KCNQ1: variants seen among roughly 807,000 people sequenced by gnomAD.
KCNQ1 encodes the protein potassium voltage-gated channel subfamily KQT member 1.
Under a neutral mutation model 72.4 loss-of-function variants are expected in KCNQ1, and 49 were observed. That is an observed-to-expected ratio of 0.68 (90% CI 0.54 to 0.86). The LOEUF is 0.86. Among genes scored for constraint, KCNQ1 ranks in the 40% least tolerant of loss-of-function variants. KCNQ1 has a pLI of 0.00. For synonymous variants in KCNQ1, 450 were observed against 412.6 expected, an observed-to-expected ratio of 1.09 and a Z score of -1.10; for missense variants, 790 against 945.1, an observed-to-expected ratio of 0.84 and a Z score of 2.15.
At position 2,631,830 on chromosome 11, in the gene KCNQ1, G is replaced by C. The variant is rs568560803; in HGVS notation, c.1394-30131G>C. 87 of 398,552 alleles carry C rather than the reference G, an allele frequency of 2.2e-4. No homozygotes were observed. Among genetic ancestry groups the C allele is most frequent in the Middle Eastern group, 6.3e-4 (1 of 1,588 alleles). The allele number at this position is 398,552 out of a possible 1,614,324, so 24.7% of individuals were successfully genotyped here. A position where few individuals can be genotyped will look rare whatever the true frequency, so the allele number is the denominator to read the frequency against. On this transcript the variant is annotated intron_variant, in intron 10 of 15. Transcript: ENST00000155840. The stretch of plus-strand genomic sequence containing the variant: ...CAAGGCTGAGTGTCCTGATGCTGTC[G>C]TGTAAATAGAGTTGTGTTAATAATA...
intron 6 of KCNQ1, among the ~76,000 whole-genome samples, chr11:2,583,134 C>CTG (rs1848528622): frequency 6.6e-6 from 1 of 152,082 alleles, no homozygotes; most frequent in Admixed American, 6.5e-5. Flanking sequence ...GATGAGGCAG[C>CTG]CGGTGTGGGG....
rs537834843 is a variant in KCNQ1 at position 2,781,621 on chromosome 11, C to T, written c.1794+3584C>T. On this transcript the variant is annotated intron_variant, in intron 15 of 15. Coordinates refer to ENST00000155840, the MANE Select transcript of KCNQ1 (RefSeq NM_000218.3). The surrounding 1 kb of genome is among the most constrained non-coding windows in gnomAD (Gnocchi z 6.6). ...ATTCTGAGGAATCGATGGCAGAGGC[C>T]GCTCCAGCCCTCCTCCCCCAGCAAG... Among the ~76,000 whole-genome samples the T allele has an allele frequency of 2.3e-3, 356 of 152,314 alleles. 1 individual carries two copies. Among genetic ancestry groups the T allele is most frequent in the African/African-American group, 7.5e-3 (310 of 41,572 alleles).
intron 11 of KCNQ1, chr11:2,689,797 C>T: frequency 2.5e-6 from 1 of 398,726 alleles, no homozygotes; most frequent in Non-Finnish European, 4.4e-6. Context: ...AGGGGAAGCA[C>T]TGCGTTCTCA....
chr11:2,786,949 G>GTTTTTTTTTTTTTTTTTTTTT (rs5789272), intron 15 of KCNQ1, among the ~76,000 whole-genome samples: 9 of 120,316 alleles, frequency 7.5e-5, no homozygotes, highest in Non-Finnish European at 1.2e-4. Context: ...TTTCGTTTCT[G>GTTTTTTTTTTTTTTTTTTTTT]TTTTTTTTTT....
chr11:2,680,289 T>G (rs1230416145), intron 11 of KCNQ1: 4 of 395,434 alleles, frequency 1.0e-5, no homozygotes, highest in Admixed American at 9.0e-5. Context: ...TTCATTCAAT[T>G]TAGATTAACT....
chr11:2,525,878 G>A (rs1003723399), intron 1 of KCNQ1, among the ~76,000 whole-genome samples: 1 of 152,218 alleles, frequency 6.6e-6, no homozygotes, highest in African/African-American at 2.4e-5. Flanking sequence ...TGCGTCCCGG[G>A]CATGGACTGC....
At chr11:2,697,238 A>G (rs964298423) in intron 11 of KCNQ1, 13 of 398,508 alleles carry the variant, frequency 3.3e-5, no homozygotes, top group African/African-American at 2.5e-4. Context: ...ATCTCTATCA[A>G]GAAAAGCCCT....
Position 2,695,772 on chromosome 11 carries a change from C to T in KCNQ1, c.1514+33691C>T. The T allele has an allele frequency of 2.5e-6, 1 of 398,652 alleles. No individual in the cohort carries two copies. The highest frequency in any genetic ancestry group is 4.4e-6 in the Non-Finnish European group (1 of 226,070). The allele number at this position is 398,652 out of a possible 1,614,324, so 24.7% of individuals were successfully genotyped here. A position where few individuals can be genotyped will look rare whatever the true frequency, so the allele number is the denominator to read the frequency against. On this transcript the variant is annotated intron_variant, in intron 11 of 15. Coordinates refer to ENST00000155840, the MANE Select transcript of KCNQ1 (RefSeq NM_000218.3). The surrounding 1 kb of genome is among the most constrained non-coding windows in gnomAD (Gnocchi z 5.2). Reference sequence around the variant, plus strand: ...CCTTCTGCCAACACTTGGCCTTATCCTACTTTCTAATGCTTCTCCTATGAA... The same window carrying T: ...CCTTCTGCCAACACTTGGCCTTATCTTACTTTCTAATGCTTCTCCTATGAA...
At chr11:2,717,831 C>G (rs991794737) in intron 11 of KCNQ1, among the ~76,000 whole-genome samples, 5 of 152,168 alleles carry the variant, frequency 3.3e-5, no homozygotes, top group African/African-American at 1.2e-4. Context: ...TGTCCAAGAC[C>G]TTGGGCCAGA....
intron 11 of KCNQ1, chr11:2,672,282 C>G (rs1409800935): frequency 2.5e-6 from 1 of 398,542 alleles, no homozygotes; most frequent in Non-Finnish European, 4.4e-6. Flanking sequence ...ACGAACCCCA[C>G]CAGCTGGGTG....
intron 15 of KCNQ1, among the ~76,000 whole-genome samples, chr11:2,798,462 A>G (rs1314007068): frequency 6.6e-6 from 1 of 152,158 alleles, no homozygotes; most frequent in Admixed American, 6.5e-5. Context: ...GGTCACCTCA[A>G]AAACAGCTGT....
In KCNQ1 at chr11:2,621,994, G is replaced by A. The variant is rs1295034703; in HGVS notation, c.1393+33140G>A. 2.5e-6 allele frequency: 1 copy of A among 398,144 alleles called. No individual in the cohort carries two copies. The allele number at this position is 398,144 out of a possible 1,614,324, so 24.7% of individuals were successfully genotyped here. A position where few individuals can be genotyped will look rare whatever the true frequency, so the allele number is the denominator to read the frequency against. On this transcript the variant is annotated intron_variant, in intron 10 of 15. Transcript: ENST00000155840. This position sits in a 1 kb window ranked among gnomAD's most constrained non-coding sequence, Gnocchi z 5.7. The stretch of plus-strand genomic sequence containing the variant: ...GAAATATCTCTTCTTTTTTAATGTA[G>A]GCAAGGCATTTATTGCTGTAAACTT...
chr11:2,742,053 T>A (rs761620749), intron 11 of KCNQ1, among the ~76,000 whole-genome samples: 2 of 152,280 alleles, frequency 1.3e-5, no homozygotes, highest in Non-Finnish European at 2.9e-5. Context: ...CAAGACACTC[T>A]GCTGGGTGCT....
At position 2,507,494 on chromosome 11, in the gene KCNQ1, C is replaced by T. The variant is rs538745407; in HGVS notation, c.387-20434C>T. On this transcript the variant is annotated intron_variant, in intron 1 of 15. Transcript: ENST00000155840. This position sits in a 1 kb window ranked among gnomAD's most constrained non-coding sequence, Gnocchi z 5.4. Reference sequence around the variant, plus strand: ...CAGGGTTTGCAGGTAGATAAGGTGGCGGGTGCAGCGGGAGGAAGAGAAAAG... The same window carrying T: ...CAGGGTTTGCAGGTAGATAAGGTGGTGGGTGCAGCGGGAGGAAGAGAAAAG... 2.6e-5 allele frequency among the ~76,000 whole-genome samples: 4 copies of T among 152,220 alleles called. No homozygotes were observed. The highest frequency in any genetic ancestry group is 1.9e-4 in the East Asian group (1 of 5,188).
chr11:2,499,793 A>T (rs1846980863), intron 1 of KCNQ1, among the ~76,000 whole-genome samples: 1 of 152,248 alleles, frequency 6.6e-6, no homozygotes, highest in Non-Finnish European at 1.5e-5. Flanking sequence ...CATCTAACTT[A>T]ATCTGCACTG....
At chr11:2,807,189 T>C (rs2134034087) in intron 15 of KCNQ1, among the ~76,000 whole-genome samples, 1 of 152,376 alleles carries the variant, frequency 6.6e-6, no homozygotes, top group East Asian at 1.9e-4. Flanking sequence ...TTCATTATTA[T>C]AATGAGCTTT....
rs1848766430 is a variant in KCNQ1 at position 2,598,967 on chromosome 11, C to T, written c.1393+10113C>T. On this transcript the variant is annotated intron_variant, in intron 10 of 15. Coordinates refer to ENST00000155840, the MANE Select transcript of KCNQ1 (RefSeq NM_000218.3). This position sits in a 1 kb window ranked among gnomAD's most constrained non-coding sequence, Gnocchi z 6.2. ...TCTGCTGCCAAATTGGCCTCAGGCT[C>T]TATCAATACCAGATCTGAATAGGGG... Among the ~76,000 whole-genome samples, 1 of 152,208 alleles carries T rather than the reference C, an allele frequency of 6.6e-6. No homozygotes were observed.
rs1367596577 is a variant in KCNQ1, at chr11:2,664,280, A to G, written c.1514+2199A>G. ...GGGAAAAACAAGGAGGTTGCTGCAA[A>G]GGGGCCACCTTGAGGCATTGTGTTC... On this transcript the variant is annotated intron_variant, in intron 11 of 15. Coordinates refer to ENST00000155840, the MANE Select transcript of KCNQ1 (RefSeq NM_000218.3). This position sits in a 1 kb window ranked among gnomAD's most constrained non-coding sequence, Gnocchi z 5.1. The G allele has an allele frequency of 5.0e-6, 2 of 398,962 alleles. No individual in the cohort carries two copies. Among genetic ancestry groups the G allele is most frequent in the Non-Finnish European group, 8.8e-6 (2 of 226,444 alleles). The allele number at this position is 398,962 out of a possible 1,614,324, so 24.7% of individuals were successfully genotyped here. A position where few individuals can be genotyped will look rare whatever the true frequency, so the allele number is the denominator to read the frequency against.
At chr11:2,697,113 T>C (rs1464068224) in intron 11 of KCNQ1, 5 of 398,506 alleles carry the variant, frequency 1.3e-5, no homozygotes, top group African/African-American at 4.1e-5. Context: ...CTCACAAAGA[T>C]AAAGAGTTTT....
Sources: gnomAD v4.1 joint callset for allele counts (sites outside exome capture counted in the v4.1 genomes callset) on GRCh38, gnomAD v4.1.1 for gene constraint, Gnocchi (gnomAD v3.1) non-coding constraint, MANE v1.5 for transcripts, NCBI Gene and HGNC (gene_info 2026-07-23, HGNC 2026-07-21) for gene names.